ST18: variants seen among roughly 807,000 people sequenced by gnomAD.
The protein encoded by ST18 is suppression of tumorigenicity 18 protein.
ST18 carries 50 observed loss-of-function variants against 110.0 expected under a neutral mutation model. That is an observed-to-expected ratio of 0.45 (90% confidence interval 0.36 to 0.58). The LOEUF (loss-of-function observed/expected upper bound fraction) is 0.58, where lower values mean the gene tolerates loss of function less well. ST18 is among the 20% of genes least tolerant of loss of function. ST18 has a pLI of 0.00. For missense variants in ST18, 1,306 were observed against 1,280.1 expected (o/e 1.02, Z -0.31); for synonymous variants, 461 against 452.4 (o/e 1.02, Z -0.24).
intron 2 of ST18, among the ~76,000 whole-genome samples, chr8:52,242,400 C>A (rs1214993060): frequency 6.6e-6 from 1 of 152,224 alleles, no homozygotes; most frequent in Non-Finnish European, 1.5e-5. Context: ...AGGCTCTGAC[C>A]AAGCAGCCCC....
chr8:52,197,140 A>G (rs921639381), intron 8 of ST18, among the ~76,000 whole-genome samples: 1 of 152,240 alleles, frequency 6.6e-6, no homozygotes, highest in Non-Finnish European at 1.5e-5. Flanking sequence ...ACATTGGAAC[A>G]TAGTAAGTGA....
intron 8 of ST18, among the ~76,000 whole-genome samples, chr8:52,183,745 C>A (rs939058949): frequency 6.6e-6 from 1 of 152,198 alleles, no homozygotes; most frequent in African/African-American, 2.4e-5. Context: ...CTGGCTAATG[C>A]AGCATCGCAA....
At chr8:52,286,870 T>C (rs1390129898) in intron 2 of ST18, among the ~76,000 whole-genome samples, 1 of 151,860 alleles carries the variant, frequency 6.6e-6, no homozygotes, top group East Asian at 1.9e-4. Flanking sequence ...CCAGACTTCC[T>C]GAATCAGAAA....
intron 2 of ST18, among the ~76,000 whole-genome samples, chr8:52,276,654 A>G (rs1358386257): frequency 1.3e-5 from 2 of 151,942 alleles, no homozygotes; most frequent in Non-Finnish European, 2.9e-5. Context: ...CAGCTCAATT[A>G]CCATCAACAA....
chr8:52,164,142 T>C (rs1401851242), intron 12 of ST18, 52 bp from the exon 13 acceptor site: 11 of 1,516,704 alleles, frequency 7.3e-6, no homozygotes, highest in Non-Finnish European at 1.0e-5. Flanking sequence ...ATAATATGAT[T>C]TGTTTTGGCA....
At chr8:52,157,802 C>T (rs2060400194) in intron 15 of ST18, among the ~76,000 whole-genome samples, 1 of 152,232 alleles carries the variant, frequency 6.6e-6, no homozygotes, top group South Asian at 2.1e-4. Flanking sequence ...ACCGTGTTAC[C>T]TGCTCTCCTG....
chr8:52,153,078 C>A (rs555737021), intron 15 of ST18, among the ~76,000 whole-genome samples: 2 of 152,164 alleles, frequency 1.3e-5, no homozygotes, highest in Non-Finnish European at 2.9e-5. Flanking sequence ...TGGCTATTTT[C>A]TTCCATTATT....
At chr8:52,348,932 A>G (rs1473691402) in intron 2 of ST18, among the ~76,000 whole-genome samples, 1 of 152,170 alleles carries the variant, frequency 6.6e-6, no homozygotes, top group Non-Finnish European at 1.5e-5. Flanking sequence ...ACCATATTGT[A>G]CAATAGATCT....
At chr8:52,329,818 AC>A (rs1808332356) in intron 2 of ST18, among the ~76,000 whole-genome samples, 1 of 152,066 alleles carries the variant, frequency 6.6e-6, no homozygotes, top group Non-Finnish European at 1.5e-5. Flanking sequence ...TTGAACCCAA[AC>A]CCAATTTCTA....
At chr8:52,406,283 G>T (rs1253615692) in intron 2 of ST18, 2 of 152,232 alleles carry the variant, frequency 1.3e-5, no homozygotes, top group African/African-American at 4.8e-5. Flanking sequence ...AACTTCTTGG[G>T]AGGTAATTAT....
intron 2 of ST18, among the ~76,000 whole-genome samples, chr8:52,351,967 C>A (rs1211764113): frequency 6.6e-6 from 1 of 152,026 alleles, no homozygotes; most frequent in Non-Finnish European, 1.5e-5. Context: ...TTATAGAGAT[C>A]AAAAAAATTT....
At chr8:52,187,971 GT>G (rs1288697758) in intron 8 of ST18, among the ~76,000 whole-genome samples, 1 of 152,132 alleles carries the variant, frequency 6.6e-6, no homozygotes, top group Non-Finnish European at 1.5e-5. Flanking sequence ...CAAAATCAAT[GT>G]ATATGGACAG....
chr8:52,219,383 T>TA (rs1425995976), intron 5 of ST18, among the ~76,000 whole-genome samples: 2 of 152,104 alleles, frequency 1.3e-5, no homozygotes, highest in African/African-American at 2.4e-5. Flanking sequence ...AAAGTAAACT[T>TA]AAAAAAAACT....
intron 2 of ST18, chr8:52,406,306 G>A (rs1844470914): frequency 6.6e-6 from 1 of 152,244 alleles, no homozygotes; most frequent in African/African-American, 2.4e-5. Flanking sequence ...AACTCTTCCT[G>A]TAAGTAAAAT....
chr8:52,369,927 C>G (rs924649304), intron 2 of ST18, among the ~76,000 whole-genome samples: 1 of 152,146 alleles, frequency 6.6e-6, no homozygotes, highest in Non-Finnish European at 1.5e-5. Context: ...TGGAGGGGTT[C>G]TCTGTGTTTC....
chr8:52,135,586 AAAAAAG>A (rs1199408086), intron 19 of ST18, among the ~76,000 whole-genome samples: 1 of 150,756 alleles, frequency 6.6e-6, no homozygotes, highest in African/African-American at 2.4e-5. Context: ...AAAAAAAAAA[AAAAAAG>A]AAAGAAAGAA....
chr8:52,283,300 G>A lies in ST18; in HGVS notation c.-464-53223C>T, dbSNP rs895921324. ...GACTGTCAGACATTGAAATGGAGATGCTGAGAAGGTTTGGTAACGAGTTTA... is the reference window on the plus strand; with the variant it reads ...GACTGTCAGACATTGAAATGGAGATACTGAGAAGGTTTGGTAACGAGTTTA... On this transcript the variant is annotated intron_variant, in intron 2 of 25. Transcript: ENST00000689386. Among the ~76,000 whole-genome samples, 9 of 152,320 alleles carry A rather than the reference G, an allele frequency of 5.9e-5. No individual in the cohort carries two copies. The East Asian group carries it at 1.7e-3, about 29-fold the overall frequency.
intron 9 of ST18, among the ~76,000 whole-genome samples, chr8:52,176,830 T>C (rs534545884): frequency 6.6e-6 from 1 of 152,316 alleles, no homozygotes; most frequent in African/African-American, 2.4e-5. Context: ...TATAATTGGA[T>C]TTCAGTTCTG....
At chr8:52,115,627 T>C (rs1357654251) in intron 25 of ST18, among the ~76,000 whole-genome samples, 1 of 152,188 alleles carries the variant, frequency 6.6e-6, no homozygotes, top group South Asian at 2.1e-4. Context: ...GTAGGGTCTG[T>C]CATCTGGGTT....
Sources: gnomAD v4.1 joint callset for allele counts (sites outside exome capture counted in the v4.1 genomes callset) on GRCh38, gnomAD v4.1.1 for gene constraint, MANE v1.5 for transcripts, NCBI Gene and HGNC (gene_info 2026-07-23, HGNC 2026-07-21) for gene names.